Variants in CSMD2 observed in about 807,000 individuals in gnomAD.
The protein encoded by CSMD2 is CUB and sushi domain-containing protein 2.
CSMD2 carries 130 observed loss-of-function variants against 398.5 expected under a neutral mutation model. That is an observed-to-expected ratio of 0.33 (90% CI 0.28 to 0.38). The LOEUF (loss-of-function observed/expected upper bound fraction) is 0.38, where lower values mean the gene tolerates loss of function less well. Among genes scored for constraint, CSMD2 ranks in the 10% least tolerant of loss-of-function variants. The pLI, the probability that CSMD2 is intolerant of heterozygous loss-of-function variation, is 1.00. For missense variants in CSMD2, 3,829 were observed against 4,764.9 expected (o/e 0.80, Z 5.78); for synonymous variants, 1,828 against 1,908.5 (o/e 0.96, Z 1.10).
rs770880439 is a variant in CSMD2 at position 33,583,811 on chromosome 1, C to T, written c.7071G>A (p.Glu2357=). ...PICEVHCPTN[E]LLTDSTGVIL... Reference sequence around the variant, plus strand: ...TCACGCCTGTGGAGTCTGTCAGAAGCTCATTTGTTGGACAGTGCACTTGGA... The same window carrying T: ...TCACGCCTGTGGAGTCTGTCAGAAGTTCATTTGTTGGACAGTGCACTTGGA... The change falls in exon 47 of 71, where the codon GAG becomes GAA. Residue 2357 remains glutamate, a synonymous_variant. Transcript: ENST00000373381. The T allele has an allele frequency of 6.2e-7, 1 of 1,614,020 alleles. No individual in the cohort carries two copies. The highest frequency in any genetic ancestry group is 1.1e-5 in the South Asian group (1 of 91,064).
rs574802733 is a variant in CSMD2, at chr1:33,794,482, C to T, written c.1447-1956G>A. 3.3e-5 allele frequency among the ~76,000 whole-genome samples: 5 copies of T among 152,160 alleles called. No homozygotes were observed. The East Asian group carries it at 5.8e-4, about 18-fold the overall frequency. ...GCAACCCAGGCAGAGGGAAAGGCAG[C>T]GGTGTGGAACAGGATGACTTATCCA... On this transcript the variant is annotated intron_variant, in intron 10 of 70. Coordinates refer to ENST00000373381, the MANE Select transcript of CSMD2 (RefSeq NM_001281956.2).
At chr1:33,878,589 C>T (rs557794433) in intron 5 of CSMD2, among the ~76,000 whole-genome samples, 3 of 152,358 alleles carry the variant, frequency 2.0e-5, no homozygotes, top group East Asian at 3.9e-4. Flanking sequence ...GTAGTAGAGG[C>T]CCAGGAGCAC....
chr1:33,716,666 C>T (rs1646181315), intron 19 of CSMD2, among the ~76,000 whole-genome samples, 165 bp from the exon 20 acceptor site: 1 of 152,188 alleles, frequency 6.6e-6, no homozygotes, highest in Non-Finnish European at 1.5e-5. Context: ...ATGAAGGAAC[C>T]TGAACACACA....
intron 19 of CSMD2, among the ~76,000 whole-genome samples, chr1:33,719,083 T>G (rs1031087274): frequency 6.6e-5 from 10 of 152,086 alleles, no homozygotes; most frequent in African/African-American, 2.4e-4. Flanking sequence ...GGAGGAAGAA[T>G]GGGAACTATG....
intron 2 of CSMD2, among the ~76,000 whole-genome samples, chr1:34,051,496 TAC>T (rs1653168777): frequency 6.6e-6 from 1 of 152,186 alleles, no homozygotes; most frequent in African/African-American, 2.4e-5. Context: ...TATATAAATA[TAC>T]ACACATACAT....
At chr1:34,066,048 T>G (rs1247392706) in intron 2 of CSMD2, among the ~76,000 whole-genome samples, 1 of 152,176 alleles carries the variant, frequency 6.6e-6, no homozygotes, top group Non-Finnish European at 1.5e-5. Context: ...AGGAAGACAC[T>G]TCCTCCCTCC....
intron 5 of CSMD2, among the ~76,000 whole-genome samples, chr1:33,899,002 G>A (rs890661649): frequency 6.6e-6 from 1 of 152,192 alleles, no homozygotes; most frequent in African/African-American, 2.4e-5. Flanking sequence ...GTCATTGCCC[G>A]GAGACCTCTG....
rs1642795922 is a variant in CSMD2, at chr1:33,636,271, GC to G, written c.4969+88del. 1.5e-6 allele frequency: 2 copies of G among 1,318,962 alleles called. No individual in the cohort carries two copies. The highest frequency in any genetic ancestry group is 2.4e-5 in the Admixed American group (1 of 42,210). The allele number at this position is 1,318,962 out of a possible 1,614,324, so 81.7% of individuals were successfully genotyped here. A position where few individuals can be genotyped will look rare whatever the true frequency, so the allele number is the denominator to read the frequency against. On this transcript the variant is annotated intron_variant, in intron 30 of 70. Transcript: ENST00000373381. This position sits in a 1 kb window ranked among gnomAD's most constrained non-coding sequence, Gnocchi z 4.8. ...TGGAGGAGCCGGGCTTGAGGACCTT[GC>G]CCCCCTCCCTTCCCCAGCCCACAGC...
intron 1 of CSMD2, among the ~76,000 whole-genome samples, chr1:34,124,523 GTGCACACT>G: frequency 6.6e-6 from 1 of 152,236 alleles, no homozygotes; most frequent in East Asian, 1.9e-4. Context: ...CTGCCTCCTG[GTGCACACT>G]TGCACACTTT....
chr1:33,537,132 A>C lies in CSMD2; in HGVS notation c.9806-37T>G. On this transcript the variant is annotated intron_variant, in intron 61 of 70. Coordinates refer to ENST00000373381, the MANE Select transcript of CSMD2 (RefSeq NM_001281956.2). The surrounding 1 kb of genome is among the most constrained non-coding windows in gnomAD (Gnocchi z 4.6). ...AAACAAAGACACAGATCACATGGTC[A>C]TGGAAGCCTTCACGGCCTCATCTCA... 3 of 1,609,644 alleles carry C rather than the reference A, an allele frequency of 1.9e-6. No homozygotes were observed. Among genetic ancestry groups the C allele is most frequent in the Non-Finnish European group, 2.6e-6 (3 of 1,175,958 alleles).
chr1:33,569,229 G>T, intron 52 of CSMD2, 145 bp downstream of exon 52: 1 of 821,780 alleles, frequency 1.2e-6, no homozygotes. Flanking sequence ...AGTCATGCCT[G>T]ATGGCCAATA....
rs190002704 is a variant in CSMD2 at position 34,133,368 on chromosome 1, C to T, written c.187+31543G>A. 3.3e-5 allele frequency among the ~76,000 whole-genome samples: 5 copies of T among 152,300 alleles called. No individual in the cohort carries two copies. The East Asian group carries it at 5.8e-4, about 18-fold the overall frequency. ...AGCCCAGGCCGGGTGTAGTAGCTCA[C>T]GCCTGTAATCCCAGCACTCTGGGAG... On this transcript the variant is annotated intron_variant, in intron 1 of 70. Coordinates refer to ENST00000373381, the MANE Select transcript of CSMD2 (RefSeq NM_001281956.2).
At chr1:33,772,423 G>A (rs892383177) in intron 13 of CSMD2, 146 bp downstream of exon 13, 7 of 655,582 alleles carry the variant, frequency 1.1e-5, no homozygotes, top group South Asian at 1.9e-5. Context: ...CACCAGCAAC[G>A]TTCCGAGGAG....
At chr1:33,535,776 C>G (rs1266423696) in intron 62 of CSMD2, among the ~76,000 whole-genome samples, 1 of 152,216 alleles carries the variant, frequency 6.6e-6, no homozygotes, top group Admixed American at 6.5e-5. Flanking sequence ...CCTCAGCACT[C>G]CTTTGCACCA....
chr1:34,011,220 T>C (rs1159583424), intron 3 of CSMD2, among the ~76,000 whole-genome samples: 1 of 152,206 alleles, frequency 6.6e-6, no homozygotes, highest in Non-Finnish European at 1.5e-5. Context: ...TAGTAATTCC[T>C]GATCAGATTA....
At chr1:34,130,149 T>G (rs1351067490) in intron 1 of CSMD2, among the ~76,000 whole-genome samples, 1 of 152,098 alleles carries the variant, frequency 6.6e-6, no homozygotes, top group East Asian at 1.9e-4. Context: ...GTCCCTGTAG[T>G]CATCCTCATG....
chr1:33,724,803 A>C lies in CSMD2; in HGVS notation c.2696-99T>G, dbSNP rs1646474443. Reference sequence around the variant, plus strand: ...GTAAGAAGAGAGCCCTGGTTTATTAAAGGCAGAAGTTGCCAATTACTGACT... The same window carrying C: ...GTAAGAAGAGAGCCCTGGTTTATTACAGGCAGAAGTTGCCAATTACTGACT... On this transcript the variant is annotated intron_variant, in intron 17 of 70. Coordinates refer to ENST00000373381, the MANE Select transcript of CSMD2 (RefSeq NM_001281956.2). The C allele has an allele frequency of 4.3e-6, 5 of 1,175,520 alleles. No homozygotes were observed. In the South Asian group the frequency reaches 7.6e-5, roughly 18 times the overall value. 72.8% of individuals were successfully genotyped at this position (1,175,520 alleles called of 1,614,324 possible).
intron 58 of CSMD2, 71 bp downstream of exon 58, chr1:33,542,649 T>C (rs955250683): frequency 7.2e-7 from 1 of 1,388,236 alleles, no homozygotes; most frequent in African/African-American, 1.4e-5. Context: ...CTTCCATGGA[T>C]AGCCTTCTCC....
At chr1:33,825,066 C>T (rs1005232628) in intron 7 of CSMD2, among the ~76,000 whole-genome samples, 1 of 152,164 alleles carries the variant, frequency 6.6e-6, no homozygotes, top group African/African-American at 2.4e-5. Context: ...AGACCATTCC[C>T]CAGAACTAGA....
Sources: allele counts gnomAD v4.1 joint callset (sites outside exome capture counted in the v4.1 genomes callset), GRCh38; gene constraint gnomAD v4.1.1; non-coding constraint Gnocchi (gnomAD v3.1); transcripts MANE v1.5; gene names NCBI Gene and HGNC (gene_info 2026-07-23, HGNC 2026-07-21).